The following CCDC146 variants were observed in gnomAD, a reference collection of about 807,000 sequenced individuals.
CCDC146 encodes coiled-coil domain containing 146.
A neutral mutation model predicts 119.3 loss-of-function variants in CCDC146; 92 were observed. That is an observed-to-expected ratio of 0.77 (90% CI 0.65 to 0.92). The LOEUF (loss-of-function observed/expected upper bound fraction) is 0.92, where lower values mean the gene tolerates loss of function less well. Among genes scored for constraint, CCDC146 ranks in the 40% least tolerant of loss-of-function variants. CCDC146 has a pLI of 0.00. For synonymous variants in CCDC146, 372 were observed against 371.8 expected (o/e 1.00, Z -0.01); for missense variants, 1,000 against 1,103.0 (o/e 0.91, Z 1.32).
rs374805097 is a variant in CCDC146 at position 77,223,237 on chromosome 7, A to T, written c.157-13710A>T. ...AGCAACTGCAGTTTCACTAGGACAAATGTGGGTGACTTAAAGGGAATGACA... is the reference window on the plus strand; with the variant it reads ...AGCAACTGCAGTTTCACTAGGACAATTGTGGGTGACTTAAAGGGAATGACA... On this transcript the variant is annotated intron_variant, in intron 2 of 18. Coordinates refer to ENST00000285871, the MANE Select transcript of CCDC146 (RefSeq NM_020879.3). 9.4e-4 allele frequency among the ~76,000 whole-genome samples: 143 copies of T among 152,344 alleles called. No individual in the cohort carries two copies. The South Asian group carries it at 9.5e-3, about 10-fold the overall frequency.
At chr7:77,188,148 T>C (rs886064246) in intron 2 of CCDC146, among the ~76,000 whole-genome samples, 1 of 152,242 alleles carries the variant, frequency 6.6e-6, no homozygotes, top group Admixed American at 6.5e-5. Context: ...GTGAATCTGC[T>C]GTGATTATGG....
intron 4 of CCDC146, among the ~76,000 whole-genome samples, chr7:77,249,719 C>A (rs951791900): frequency 2.0e-5 from 3 of 152,132 alleles, no homozygotes; most frequent in Admixed American, 6.5e-5. Context: ...TATTGGCAAA[C>A]ACAGCATATA....
At chr7:77,154,396 T>G (rs1428028422) in intron 1 of CCDC146, among the ~76,000 whole-genome samples, 2 of 152,068 alleles carry the variant, frequency 1.3e-5, no homozygotes, top group South Asian at 4.1e-4. Flanking sequence ...CATGTTGGTG[T>G]GCTGCACCCA....
At chr7:77,226,565 A>C (rs1792519214) in intron 2 of CCDC146, among the ~76,000 whole-genome samples, 1 of 152,222 alleles carries the variant, frequency 6.6e-6, no homozygotes, top group African/African-American at 2.4e-5. Flanking sequence ...AACTCTTTTT[A>C]AACTTTATCT....
At position 77,175,753 on chromosome 7, in the gene CCDC146, G is replaced by A. The variant is rs560157778; in HGVS notation, c.156+7929G>A. On this transcript the variant is annotated intron_variant, in intron 2 of 18. Transcript: ENST00000285871. ...TTACTATGTGCCAGGCACTGTGCTA[G>A]ATGTTTATAATTATTATTGCTAAAG... is the stretch of plus-strand genomic sequence containing the variant. Among the ~76,000 whole-genome samples, 41 of 151,362 alleles carry A rather than the reference G, an allele frequency of 2.7e-4. 1 individual carries two copies. The South Asian group carries it at 8.5e-3, about 31-fold the overall frequency.
chr7:77,265,153 G>A (rs1793376835), intron 9 of CCDC146, among the ~76,000 whole-genome samples: 1 of 152,120 alleles, frequency 6.6e-6, no homozygotes, highest in African/African-American at 2.4e-5. Flanking sequence ...AGACCCTGTG[G>A]CCACCCCTCC....
At chr7:77,226,048 G>T (rs1792506643) in intron 2 of CCDC146, among the ~76,000 whole-genome samples, 1 of 152,206 alleles carries the variant, frequency 6.6e-6, no homozygotes, top group African/African-American at 2.4e-5. Flanking sequence ...CACAGGTGGA[G>T]GAGGAAAGGA....
intron 2 of CCDC146, chr7:77,199,945 C>G (rs1285637234): frequency 1.3e-5 from 11 of 829,644 alleles, no homozygotes; most frequent in Non-Finnish European, 2.0e-5. Flanking sequence ...AGGAGATAGC[C>G]CTCATCAAAC....
intron 2 of CCDC146, among the ~76,000 whole-genome samples, chr7:77,205,139 G>A (rs1465769051): frequency 1.3e-5 from 2 of 152,114 alleles, no homozygotes; most frequent in African/African-American, 4.8e-5. Flanking sequence ...GAAATTAGGA[G>A]AATCAAATTG....
At chr7:77,162,005 G>T (rs910692095) in intron 1 of CCDC146, among the ~76,000 whole-genome samples, 10 of 151,980 alleles carry the variant, frequency 6.6e-5, no homozygotes, top group Non-Finnish European at 1.2e-4. Context: ...TATTTGAGTT[G>T]TTGCTATTCA....
At chr7:77,285,514 G>A (rs925673052) in intron 15 of CCDC146, among the ~76,000 whole-genome samples, 1 of 152,182 alleles carries the variant, frequency 6.6e-6, no homozygotes, top group East Asian at 1.9e-4. Flanking sequence ...TCTTAGACAT[G>A]TTGTAAAATA....
At chr7:77,231,078 C>G (rs531979706) in intron 2 of CCDC146, among the ~76,000 whole-genome samples, 5 of 152,250 alleles carry the variant, frequency 3.3e-5, no homozygotes, top group African/African-American at 1.2e-4. Flanking sequence ...CTCTCATGTT[C>G]CCACACCATC....
At chr7:77,149,023 A>G (rs10236144) in intron 1 of CCDC146, among the ~76,000 whole-genome samples, 5,664 of 152,258 alleles carry the variant, frequency 0.037, 347 homozygotes, top group African/African-American at 0.13. Flanking sequence ...TAGCCAAGAC[A>G]ACCCTAAACA....
intron 2 of CCDC146, among the ~76,000 whole-genome samples, chr7:77,207,877 T>C (rs1431616497): frequency 6.6e-6 from 1 of 152,244 alleles, no homozygotes; most frequent in Non-Finnish European, 1.5e-5. Context: ...ATTCAGACTG[T>C]ACTTTAAATC....
At chr7:77,260,512 GTATGT>G (rs1160512398) in intron 8 of CCDC146, among the ~76,000 whole-genome samples, 29 of 152,294 alleles carry the variant, frequency 1.9e-4, no homozygotes, top group African/African-American at 7.0e-4. Context: ...TATCACTGGA[GTATGT>G]TATGTTCAGG....
chr7:77,189,622 A>G (rs1484111079), intron 2 of CCDC146, among the ~76,000 whole-genome samples: 1 of 152,056 alleles, frequency 6.6e-6, no homozygotes, highest in Non-Finnish European at 1.5e-5. Flanking sequence ...AATCCGGTAT[A>G]CCACTCCTAT....
chr7:77,294,936 A>C lies in CCDC146; in HGVS notation c.*70A>C. On this transcript the variant is annotated 3_prime_UTR_variant, in exon 19 of 19. Transcript: ENST00000285871. ...GGCTTCCTTGTACCCACAGGTGAAA[A>C]ATGTGAGCATAATACTTCTAATATT... 8.0e-7 allele frequency: 1 copy of C among 1,246,184 alleles called. No individual in the cohort carries two copies. Among genetic ancestry groups the C allele is most frequent in the Non-Finnish European group, 1.1e-6 (1 of 880,958 alleles). The allele number at this position is 1,246,184 out of a possible 1,614,324, so 77.2% of individuals were successfully genotyped here. A position where few individuals can be genotyped will look rare whatever the true frequency, so the allele number is the denominator to read the frequency against.
At chr7:77,259,260 G>T (rs927759337) in intron 7 of CCDC146, 192 bp downstream of exon 7, 1 of 501,606 alleles carries the variant, frequency 2.0e-6, no homozygotes, top group Non-Finnish European at 3.5e-6. Context: ...ATCATTCATA[G>T]TATTTATGGC....
Position 77,252,358 on chromosome 7 carries a change from A to G in CCDC146, c.450-2148A>G, listed in dbSNP as rs375858494. On this transcript the variant is annotated intron_variant, in intron 4 of 18. Transcript: ENST00000285871. The stretch of plus-strand genomic sequence containing the variant: ...ATGAGCCCCAAACAGGGTAAACTCA[A>G]AGAAATATGTTCCAAATGCATCACA... Among the ~76,000 whole-genome samples the G allele has an allele frequency of 6.6e-5, 10 of 152,328 alleles. No homozygotes were observed. In the South Asian group the frequency reaches 1.0e-3, roughly 16 times the overall value.
Sources: gnomAD v4.1 joint callset for allele counts (sites outside exome capture counted in the v4.1 genomes callset) on GRCh38, gnomAD v4.1.1 for gene constraint, MANE v1.5 for transcripts, NCBI Gene and HGNC (gene_info 2026-07-23, HGNC 2026-07-21) for gene names.